The following LCA5 variants were observed in gnomAD, a reference collection of about 807,000 sequenced individuals.
LCA5 encodes lebercilin LCA5, also known as lebercilin.
A neutral mutation model predicts 53.0 loss-of-function variants in LCA5; 37 were observed. That is an observed-to-expected ratio of 0.70 (90% CI 0.54 to 0.92). The LOEUF (loss-of-function observed/expected upper bound fraction) is 0.92, where lower values mean the gene tolerates loss of function less well. Ranked by LOEUF, LCA5 falls within the 40% of genes least tolerant of loss-of-function variation. LCA5 has a pLI of 0.00. For missense variants in LCA5, 806 were observed against 790.5 expected (o/e 1.02, Z -0.23); for synonymous variants, 303 against 282.9 (o/e 1.07, Z -0.71).
chr6:79,534,542 C>T (rs972111300), intron 1 of LCA5, among the ~76,000 whole-genome samples: 1 of 151,730 alleles, frequency 6.6e-6, no homozygotes, highest in Non-Finnish European at 1.5e-5. Flanking sequence ...AAGTAATTCC[C>T]AACCAAGAGG....
chr6:79,537,908 T>C (rs925878197), upstream of LCA5, among the ~76,000 whole-genome samples: 1 of 151,302 alleles, frequency 6.6e-6, no homozygotes, highest in Non-Finnish European at 1.5e-5. Flanking sequence ...TGTTCCTGCC[T>C]CGAGATCCTG....
Position 79,487,005 on chromosome 6 carries a change from C to A in LCA5, c.2093G>T (p.Ter698LeuextTer13). ...EDEIEEVALR[*>L] ...AGAAAAAATGTATACTCTAGTCAGT[C>A]ATCTCAGTGCTACTTCTTCAATTTC... is the stretch of plus-strand genomic sequence containing the variant. Residue 698 changes from the stop codon to leucine (L), a stop_lost, in exon 8 of 8, where the codon TGA becomes TTA. Transcript: ENST00000369846. 6.2e-7 allele frequency: 1 copy of A among 1,611,206 alleles called. No homozygotes were observed. The highest frequency in any genetic ancestry group is 1.1e-5 in the South Asian group (1 of 90,864).
intron 2 of LCA5, among the ~76,000 whole-genome samples, chr6:79,515,320 G>T (rs929266688): frequency 6.6e-6 from 1 of 152,044 alleles, no homozygotes; most frequent in East Asian, 1.9e-4. Flanking sequence ...AGAAGTACAG[G>T]TGTGTTTCTA....
chr6:79,493,779 C>G (rs374241311), intron 3 of LCA5, 29 bp from the exon 4 acceptor site: 3 of 1,569,462 alleles, frequency 1.9e-6, no homozygotes, highest in African/African-American at 2.7e-5. Context: ...AAAAAGCAGT[C>G]CTTTAAAAAA....
chr6:79,512,909 C>T (rs977010759), intron 3 of LCA5, among the ~76,000 whole-genome samples: 33 of 152,180 alleles, frequency 2.2e-4, no homozygotes, highest in African/African-American at 7.5e-4. Context: ...GGCCCCAAAA[C>T]GTCAGTTTTA....
intron 5 of LCA5, 120 bp from the exon 6 acceptor site, chr6:79,491,850 GCACCACTTCATTT>G: frequency 1.3e-6 from 1 of 773,094 alleles, no homozygotes; most frequent in Non-Finnish European, 2.2e-6. Flanking sequence ...ACATTTATAT[GCACCACTTCATTT>G]AAATGGAGAA....
At chr6:79,521,066 TAA>T (rs1766610454) in intron 1 of LCA5, among the ~76,000 whole-genome samples, 2 of 152,200 alleles carry the variant, frequency 1.3e-5, no homozygotes, top group Admixed American at 1.3e-4. Context: ...GTTGCTGGTG[TAA>T]CTGAAGAACT....
Position 79,506,521 on chromosome 6 carries a change from T to C in LCA5, c.720+6691A>G, listed in dbSNP as rs1056162864. Among the ~76,000 whole-genome samples, 9 of 152,176 alleles carry C rather than the reference T, an allele frequency of 5.9e-5. No individual in the cohort carries two copies. The East Asian group carries it at 7.7e-4, about 13-fold the overall frequency. ...ACAGTAAGTCTTTCTTATGAGGAGT[T>C]AGGACAGAATTGATGCCTTTACTTT... On this transcript the variant is annotated intron_variant, in intron 3 of 7. Coordinates refer to ENST00000369846, the MANE Select transcript of LCA5 (RefSeq NM_001122769.3).
In LCA5 at chr6:79,519,028, C is replaced by T. The variant is rs1449668088; in HGVS notation, c.-134G>A. ...TCATTTCTGTGCAATCTATTTTCTC[C>T]ACAATGTATTTGTAGACCACAATTC... On this transcript the variant is annotated 5_prime_UTR_variant, in exon 2 of 8. Coordinates refer to ENST00000369846, the MANE Select transcript of LCA5 (RefSeq NM_001122769.3). The T allele has an allele frequency of 2.1e-6, 2 of 971,908 alleles. No individual in the cohort carries two copies. The highest frequency in any genetic ancestry group is 1.6e-5 in the African/African-American group (1 of 62,374). The allele number at this position is 971,908 out of a possible 1,614,324, so 60.2% of individuals were successfully genotyped here.
chr6:79,492,594 C>T lies in LCA5; in HGVS notation c.912G>A (p.Lys304=). The change falls in exon 5 of 8, where the codon AAG becomes AAA. Residue 304 remains lysine, a synonymous_variant. Coordinates refer to ENST00000369846, the MANE Select transcript of LCA5 (RefSeq NM_001122769.3). ...IKNIYSNRLP[K]SSPNKEKELA... ...GTTCTTTCTCTTTATTTGGAGAGGA[C>T]TTTGGCAGACGATTAGAATATATAT... 6.4e-7 allele frequency: 1 copy of T among 1,571,140 alleles called. No individual in the cohort carries two copies. Among genetic ancestry groups the T allele is most frequent in the Non-Finnish European group, 8.7e-7 (1 of 1,146,558 alleles).
chr6:79,508,278 T>TA (rs1227100365), intron 3 of LCA5, among the ~76,000 whole-genome samples: 1 of 152,176 alleles, frequency 6.6e-6, no homozygotes, highest in Non-Finnish European at 1.5e-5. Context: ...TCCCCATAGA[T>TA]ACCTTTGGCT....
intron 1 of LCA5, among the ~76,000 whole-genome samples, chr6:79,531,158 A>G (rs1057084612): frequency 6.6e-6 from 1 of 152,188 alleles, no homozygotes; most frequent in Non-Finnish European, 1.5e-5. Flanking sequence ...GACCTACTCA[A>G]TATTTCAATA....
In LCA5 at chr6:79,513,469, T is replaced by G; in HGVS notation, c.463A>C (p.Asn155His). ...KALNKFEDAE[N>H]EISQLIFRHN... The stretch of plus-strand genomic sequence containing the variant: ...CGAAATATAAGTTGTGAGATTTCAT[T>G]TTCGGCATCTTCAAACTTATTCAGG... The change falls in exon 3 of 8, where the codon AAT (asparagine) becomes CAT (histidine). Residue 155 changes from asparagine (N) to histidine (H), a missense_variant. Asn to His is a moderately conservative substitution (Grantham distance 68). Transcript: ENST00000369846. 1.9e-6 allele frequency: 3 copies of G among 1,614,016 alleles called. No homozygotes were observed. The South Asian group carries it at 3.3e-5, about 18-fold the overall frequency.
intron 1 of LCA5, among the ~76,000 whole-genome samples, chr6:79,525,959 T>G (rs1304109620): frequency 6.6e-6 from 1 of 152,200 alleles, no homozygotes; most frequent in Non-Finnish European, 1.5e-5. Flanking sequence ...CTCTGTGTGA[T>G]GCAATACTTA....
At chr6:79,488,158 GGGAT>G (rs757946910) in intron 7 of LCA5, 36 of 310,294 alleles carry the variant, frequency 1.2e-4, no homozygotes, top group Non-Finnish European at 1.6e-4. Context: ...CTGTATGGTG[GGGAT>G]GGATGGATGG....
Position 79,491,584 on chromosome 6 carries a change from T to G in LCA5, c.1098+4A>C, listed in dbSNP as rs751599369. The G allele has an allele frequency of 1.2e-6, 2 of 1,612,622 alleles. No individual in the cohort carries two copies. The highest frequency in any genetic ancestry group is 3.3e-5 in the Admixed American group (2 of 59,988). Reference sequence around the variant, plus strand: ...TTGGTACATAACAATACTGCTAAACTCACCAAAGTAAGATGTCCTGGTTCT... The same window carrying G: ...TTGGTACATAACAATACTGCTAAACGCACCAAAGTAAGATGTCCTGGTTCT... On this transcript the variant is annotated splice_donor_region_variant and intron_variant, in intron 6 of 7. Coordinates refer to ENST00000369846, the MANE Select transcript of LCA5 (RefSeq NM_001122769.3).
intron 3 of LCA5, among the ~76,000 whole-genome samples, chr6:79,505,448 T>C (rs1268757899): frequency 1.3e-5 from 2 of 152,158 alleles, no homozygotes; most frequent in Non-Finnish European, 2.9e-5. Flanking sequence ...AGGACTTAAT[T>C]GGGGGGCATA....
At chr6:79,522,251 G>A (rs1005650963) in intron 1 of LCA5, among the ~76,000 whole-genome samples, 7 of 152,042 alleles carry the variant, frequency 4.6e-5, no homozygotes, top group South Asian at 4.2e-4. Flanking sequence ...AGAATTAGAC[G>A]AGTGACATTT....
At chr6:79,538,550 G>T (rs972380812), upstream of LCA5, among the ~76,000 whole-genome samples, 3 of 152,164 alleles carry the variant, frequency 2.0e-5, no homozygotes, top group Non-Finnish European at 4.4e-5. Flanking sequence ...AAATTGCACG[G>T]AATTACTTTT....
Sources: allele counts gnomAD v4.1 joint callset (sites outside exome capture counted in the v4.1 genomes callset), GRCh38; gene constraint gnomAD v4.1.1; transcripts MANE v1.5; gene names NCBI Gene and HGNC (gene_info 2026-07-23, HGNC 2026-07-21).